Variants in RFX2 observed in about 807,000 individuals in gnomAD.
RFX2 encodes the protein DNA-binding protein RFX2.
RFX2 carries 20 observed loss-of-function variants against 87.8 expected under a neutral mutation model. The observed-to-expected ratio is 0.23, with a 90% CI of 0.16 to 0.33. The LOEUF (loss-of-function observed/expected upper bound fraction) is 0.33. Among genes scored for constraint, RFX2 ranks in the 10% least tolerant of loss-of-function variants. The probability of loss-of-function intolerance (pLI) is 1.00; values close to 1 mark genes in which losing one functional copy is unlikely to be tolerated. For missense variants in RFX2, 767 were observed against 1,012.3 expected, an observed-to-expected ratio of 0.76 and a Z score of 3.29; for synonymous variants, 397 against 431.3, an observed-to-expected ratio of 0.92 and a Z score of 0.98.
At chr19:6,077,566 G>T (rs2087709692) in intron 1 of RFX2, among the ~76,000 whole-genome samples, 1 of 152,210 alleles carries the variant, frequency 6.6e-6, no homozygotes, top group African/African-American at 2.4e-5. Flanking sequence ...TCATCCTGCA[G>T]AAGTAGACAT....
Position 6,025,864 on chromosome 19 carries a change from C to A in RFX2, c.597+299G>T, listed in dbSNP as rs535399667. 2.4e-3 allele frequency among the ~76,000 whole-genome samples: 357 copies of A among 149,974 alleles called. 1 individual carries two copies. Among genetic ancestry groups the A allele is most frequent in the African/African-American group, 7.8e-3 (316 of 40,524 alleles). On this transcript the variant is annotated intron_variant, in intron 6 of 17. Coordinates refer to ENST00000303657, the MANE Select transcript of RFX2 (RefSeq NM_000635.4). Reference sequence around the variant, plus strand: ...GCAGTGGCGTGATCTCGGCTCACTGCAACCTCTGCCTCCCGGGTTCAAGCG... The same window carrying A: ...GCAGTGGCGTGATCTCGGCTCACTGAAACCTCTGCCTCCCGGGTTCAAGCG...
At chr19:6,099,769 G>A (rs1380704980) in intron 1 of RFX2, among the ~76,000 whole-genome samples, 1 of 152,176 alleles carries the variant, frequency 6.6e-6, no homozygotes, top group Admixed American at 6.5e-5. Context: ...TCTAAGTGCT[G>A]AGGCAATTTG....
At chr19:6,105,338 C>T (rs901074898) in intron 1 of RFX2, among the ~76,000 whole-genome samples, 5 of 152,038 alleles carry the variant, frequency 3.3e-5, no homozygotes, top group Non-Finnish European at 7.4e-5. Flanking sequence ...TGAAGAAAGT[C>T]GGAGAGCCAG....
chr19:6,096,393 T>C (rs1294784953), intron 1 of RFX2, among the ~76,000 whole-genome samples: 2 of 152,200 alleles, frequency 1.3e-5, no homozygotes, highest in South Asian at 2.1e-4. Context: ...AAAGAATGTA[T>C]GCTCATAGTT....
intron 1 of RFX2, among the ~76,000 whole-genome samples, chr19:6,080,127 T>C (rs1026186408): frequency 1.1e-4 from 17 of 152,092 alleles, no homozygotes; most frequent in Admixed American, 5.2e-4. Context: ...CTGTAGCCTC[T>C]AACTCCAGGG....
intron 1 of RFX2, among the ~76,000 whole-genome samples, chr19:6,081,718 C>A (rs1358484413): frequency 6.6e-6 from 1 of 152,140 alleles, no homozygotes; most frequent in Non-Finnish European, 1.5e-5. Flanking sequence ...TTTCAGAGGT[C>A]GAGGAGGGTG....
chr19:6,087,364 C>T (rs1315630272), intron 1 of RFX2, among the ~76,000 whole-genome samples: 2 of 152,194 alleles, frequency 1.3e-5, no homozygotes, highest in Non-Finnish European at 2.9e-5. Flanking sequence ...TTTCAAAGAA[C>T]ACTTAGGAGA....
chr19:6,097,880 G>T (rs2088052625), intron 1 of RFX2, among the ~76,000 whole-genome samples: 1 of 152,126 alleles, frequency 6.6e-6, no homozygotes, highest in African/African-American at 2.4e-5. Context: ...ACTGTGCCAG[G>T]TTCCCTTTAT....
At position 6,044,813 on chromosome 19, in the gene RFX2, C is replaced by T. The variant is rs1010691285; in HGVS notation, c.91-531G>A. On this transcript the variant is annotated intron_variant, in intron 2 of 17. Coordinates refer to ENST00000303657, the MANE Select transcript of RFX2 (RefSeq NM_000635.4). The surrounding 1 kb of genome is among the most constrained non-coding windows in gnomAD (Gnocchi z 5.3). ...TGATGAGGTTAATGAAGCCAGAGGG[C>T]TCAAGTGCTGCCTCTGGCTACAGAA... 6.6e-6 allele frequency among the ~76,000 whole-genome samples: 1 copy of T among 152,202 alleles called. No individual in the cohort carries two copies. Among genetic ancestry groups the T allele is most frequent in the African/African-American group, 2.4e-5 (1 of 41,436 alleles).
At position 6,085,026 on chromosome 19, in the gene RFX2, T is replaced by C. The variant is rs76452066; in HGVS notation, c.-9+25367A>G. Among the ~76,000 whole-genome samples the C allele has an allele frequency of 2.7e-3, 404 of 152,310 alleles. 16 individuals are homozygous for C. In the East Asian group the frequency reaches 0.066, roughly 25 times the overall value. ...GTCCATGTTGCAGCCTGTGTCAGAA[T>C]TTCCTTCCTTTTTCAAGGCTGAATA... On this transcript the variant is annotated intron_variant, in intron 1 of 17. Coordinates refer to ENST00000303657, the MANE Select transcript of RFX2 (RefSeq NM_000635.4).
At chr19:6,092,421 C>A (rs1484038245) in intron 1 of RFX2, among the ~76,000 whole-genome samples, 2 of 152,016 alleles carry the variant, frequency 1.3e-5, no homozygotes, top group Admixed American at 1.3e-4. Context: ...GAAGGTCTTC[C>A]GCTGAGAAGG....
chr19:6,025,534 A>G (rs1857423230), intron 6 of RFX2, among the ~76,000 whole-genome samples: 1 of 152,074 alleles, frequency 6.6e-6, no homozygotes, highest in Admixed American at 6.6e-5. Context: ...TATTTTTCAT[A>G]TATAACTATA....
chr19:6,018,196 C>T (rs1371316772), intron 6 of RFX2, among the ~76,000 whole-genome samples: 2 of 152,190 alleles, frequency 1.3e-5, no homozygotes, highest in Admixed American at 1.3e-4. Context: ...CCTCGAATTC[C>T]TGACCTCAGG....
rs73923421 is a variant in RFX2 at position 6,021,679 on chromosome 19, G to A, written c.597+4484C>T. Among the ~76,000 whole-genome samples, 6,354 of 152,346 alleles carry A rather than the reference G, an allele frequency of 0.042. 350 individuals carry two copies. Among genetic ancestry groups the A allele is most frequent in the African/African-American group, 0.12 (5,187 of 41,560 alleles). On this transcript the variant is annotated intron_variant, in intron 6 of 17. Transcript: ENST00000303657. The surrounding 1 kb of genome is among the most constrained non-coding windows in gnomAD (Gnocchi z 5.7). ...CATTGGAGGAATAGCGAGGAGGCCC[G>A]TGTGGCTGGAGCACAGTGAGGAGTG...
At chr19:6,030,265 C>T (rs981529015) in intron 5 of RFX2, among the ~76,000 whole-genome samples, 1 of 152,060 alleles carries the variant, frequency 6.6e-6, no homozygotes, top group African/African-American at 2.4e-5. Context: ...AGAGAAGTGG[C>T]GTCACAAACA....
Position 6,004,665 on chromosome 19 carries a change from G to C in RFX2, c.1403-367C>G, listed in dbSNP as rs959989516. On this transcript the variant is annotated intron_variant, in intron 12 of 17. Transcript: ENST00000303657. This position sits in a 1 kb window ranked among gnomAD's most constrained non-coding sequence, Gnocchi z 4.8. The stretch of plus-strand genomic sequence containing the variant: ...CCAGGAGGGCCCCACCCCAGACAAC[G>C]ATCCAGCCCCAGATATCAACAGTGC... 1.3e-5 allele frequency among the ~76,000 whole-genome samples: 2 copies of C among 152,128 alleles called. No individual in the cohort carries two copies. The highest frequency in any genetic ancestry group is 1.3e-4 in the Admixed American group (2 of 15,278).
In RFX2 at chr19:6,012,952, G is replaced by C. The variant is rs1285489029; in HGVS notation, c.899+34C>G. ...ACCCACCCCTCCATGCTCCAGGGGAGAGCCAGCTCCTCCCAGCTCGGCCCG... is the reference window on the plus strand; with the variant it reads ...ACCCACCCCTCCATGCTCCAGGGGACAGCCAGCTCCTCCCAGCTCGGCCCG... On this transcript the variant is annotated intron_variant, in intron 8 of 17. Coordinates refer to ENST00000303657, the MANE Select transcript of RFX2 (RefSeq NM_000635.4). This position sits in a 1 kb window ranked among gnomAD's most constrained non-coding sequence, Gnocchi z 4.6. The C allele has an allele frequency of 4.7e-5, 69 of 1,482,938 alleles. No individual in the cohort carries two copies. The highest frequency in any genetic ancestry group is 5.9e-5 in the Non-Finnish European group (66 of 1,115,794). 91.9% of individuals were successfully genotyped at this position (1,482,938 alleles called of 1,614,324 possible).
At position 5,997,359 on chromosome 19, in the gene RFX2, C is replaced by T. The variant is rs577883305; in HGVS notation, c.1860-146G>A. 1.1e-4 allele frequency: 104 copies of T among 938,056 alleles called. 1 individual carries two copies. In the South Asian group the frequency reaches 1.9e-3, roughly 17 times the overall value. 58.1% of individuals were successfully genotyped at this position (938,056 alleles called of 1,614,324 possible). On this transcript the variant is annotated intron_variant, in intron 15 of 17. Transcript: ENST00000303657. The surrounding 1 kb of genome is among the most constrained non-coding windows in gnomAD (Gnocchi z 4.2). ...AGTGATCCTAAGACGTGCAGGCCTA[C>T]GCGGGGGCTGACGGGCTGCCGAGAC...
At position 5,995,660 on chromosome 19, in the gene RFX2, G is replaced by A; in HGVS notation, c.2014-17C>T. On this transcript the variant is annotated splice_polypyrimidine_tract_variant and intron_variant, in intron 16 of 17. Transcript: ENST00000303657. Reference sequence around the variant, plus strand: ...ATCGTTGAACTGAAAGAGAAACCTGGAGTCAGGGGCGCCTGCAGAGGGGCG... The same window carrying A: ...ATCGTTGAACTGAAAGAGAAACCTGAAGTCAGGGGCGCCTGCAGAGGGGCG... 6.4e-7 allele frequency: 1 copy of A among 1,552,054 alleles called. No individual in the cohort carries two copies. The highest frequency in any genetic ancestry group is 8.7e-7 in the Non-Finnish European group (1 of 1,147,240).
Sources: allele counts gnomAD v4.1 joint callset (sites outside exome capture counted in the v4.1 genomes callset), GRCh38; gene constraint gnomAD v4.1.1; non-coding constraint Gnocchi (gnomAD v3.1); transcripts MANE v1.5; gene names NCBI Gene and HGNC (gene_info 2026-07-23, HGNC 2026-07-21).